The following YES1 variants were observed in gnomAD, a reference collection of about 807,000 sequenced individuals.
The protein encoded by YES1 is YES proto-oncogene 1, Src family tyrosine kinase, also known as tyrosine-protein kinase Yes.
In YES1, 39 loss-of-function variants were observed where a neutral mutation model predicts 70.4. That is an observed-to-expected ratio of 0.55 (90% CI 0.43 to 0.72). YES1 has a LOEUF of 0.72. YES1 is among the 30% of genes least tolerant of loss of function. The pLI is 0.00. For synonymous variants in YES1, 198 were observed against 218.6 expected (o/e 0.91, Z 0.83); for missense variants, 495 against 644.8 (o/e 0.77, Z 2.52).
At position 723,062 on chromosome 18, in the gene YES1, A is replaced by C. The variant is rs915986930; in HGVS notation, c.*1362T>G. 5 of 152,352 alleles carry C rather than the reference A, an allele frequency of 3.3e-5. No individual in the cohort carries two copies. The highest frequency in any genetic ancestry group is 9.6e-5 in the African/African-American group (4 of 41,580). 9.4% of individuals were successfully genotyped at this position (152,352 alleles called of 1,614,324 possible). On this transcript the variant is annotated 3_prime_UTR_variant, in exon 12 of 12. Coordinates refer to ENST00000314574, the MANE Select transcript of YES1 (RefSeq NM_005433.4). ...AGCCGAGATCGCGCCACTGCACTCCAGCCTGGGCGACAGAGCGAGACTCCG... is the reference window on the plus strand; with the variant it reads ...AGCCGAGATCGCGCCACTGCACTCCCGCCTGGGCGACAGAGCGAGACTCCG...
chr18:773,570 C>A (rs139702973), intron 1 of YES1, among the ~76,000 whole-genome samples: 3 of 152,270 alleles, frequency 2.0e-5, no homozygotes, highest in Admixed American at 2.0e-4. Context: ...GAAAGACAGA[C>A]ACCAAGAAAT....
intron 1 of YES1, among the ~76,000 whole-genome samples, chr18:786,893 T>C (rs559784130): frequency 8.5e-5 from 13 of 152,180 alleles, no homozygotes; most frequent in African/African-American, 3.1e-4. Flanking sequence ...ACATGATTTA[T>C]TTAAAAAAGC....
At position 798,776 on chromosome 18, in the gene YES1, A is replaced by G. The variant is rs528007865; in HGVS notation, c.-9+13338T>C. Reference sequence around the variant, plus strand: ...CACTCCTTCAGGGGGTACACTGTCCATTAGAATTTTAAGCCTCACTCTTAC... The same window carrying G: ...CACTCCTTCAGGGGGTACACTGTCCGTTAGAATTTTAAGCCTCACTCTTAC... On this transcript the variant is annotated intron_variant, in intron 1 of 11. Coordinates refer to ENST00000314574, the MANE Select transcript of YES1 (RefSeq NM_005433.4). 2.0e-5 allele frequency among the ~76,000 whole-genome samples: 3 copies of G among 152,304 alleles called. No homozygotes were observed. In the East Asian group the frequency reaches 5.8e-4, roughly 29 times the overall value.
chr18:796,276 C>CGCTATTT lies in YES1; in HGVS notation c.-9+15837_-9+15838insAAATAGC, dbSNP rs1412084643. ...TAGCGTGTAATTTGAGTAAATTTAACCTCTTGAAGCCTATTTCTTTATCTG... is the reference window on the plus strand; with the variant it reads ...TAGCGTGTAATTTGAGTAAATTTAACGCTATTTCTCTTGAAGCCTATTTCTTTATCTG... On this transcript the variant is annotated intron_variant, in intron 1 of 11. Coordinates refer to ENST00000314574, the MANE Select transcript of YES1 (RefSeq NM_005433.4). Among the ~76,000 whole-genome samples the CGCTATTT allele has an allele frequency of 1.0e-3, 159 of 152,198 alleles. 2 individuals carry two copies. In the South Asian group the frequency reaches 0.029, roughly 28 times the overall value.
At chr18:733,782 CAAAAAAAAAA>C (rs71174280) in intron 10 of YES1, among the ~76,000 whole-genome samples, 2 of 59,242 alleles carry the variant, frequency 3.4e-5, no homozygotes, top group African/African-American at 1.2e-4. Flanking sequence ...GACTCCGTCT[CAAAAAAAAAA>C]AAAAAAAAAA....
intron 1 of YES1, among the ~76,000 whole-genome samples, chr18:763,039 G>A (rs1423877641): frequency 6.6e-6 from 1 of 152,132 alleles, no homozygotes; most frequent in Non-Finnish European, 1.5e-5. Context: ...TGGAGACTTG[G>A]GGGAAAGAAA....
intron 3 of YES1, among the ~76,000 whole-genome samples, chr18:751,332 C>T (rs1405387352): frequency 6.6e-6 from 1 of 151,726 alleles, no homozygotes; most frequent in Non-Finnish European, 1.5e-5. Context: ...CTTTCTCCCC[C>T]TCCTTTTTTT....
intron 1 of YES1, among the ~76,000 whole-genome samples, chr18:757,317 C>T (rs540505197): frequency 1.4e-3 from 213 of 151,550 alleles, no homozygotes; most frequent in Non-Finnish European, 2.2e-3. Context: ...TCCTGGCTAA[C>T]ACGGTGAAAC....
intron 6 of YES1, 41 bp from the exon 7 acceptor site, chr18:743,456 A>ATTGTGT (rs2080239089): frequency 6.6e-7 from 1 of 1,511,812 alleles, no homozygotes; most frequent in Admixed American, 1.8e-5. Flanking sequence ...TCAATTACAA[A>ATTGTGT]AATTAAGGGG....
At chr18:770,268 CTTTT>C (rs11324966) in intron 1 of YES1, among the ~76,000 whole-genome samples, 2 of 140,136 alleles carry the variant, frequency 1.4e-5, no homozygotes, top group African/African-American at 2.6e-5. Context: ...GCCCTTTTAT[CTTTT>C]TTTTTTTTTT....
rs2079974734 is a variant in YES1 at position 722,966 on chromosome 18, C to T, written c.*1458G>A. 2 of 152,244 alleles carry T rather than the reference C, an allele frequency of 1.3e-5. No homozygotes were observed. The highest frequency in any genetic ancestry group is 1.9e-4 in the East Asian group (1 of 5,180). 9.4% of individuals were successfully genotyped at this position (152,244 alleles called of 1,614,324 possible). ...AACTAGCCAGGCGTGGTGGTGGGCA[C>T]CTGTAGTCCCAGCTACTCGGGAGGC... On this transcript the variant is annotated 3_prime_UTR_variant, in exon 12 of 12. Transcript: ENST00000314574.
chr18:732,481 G>A (rs1338299662), intron 11 of YES1, among the ~76,000 whole-genome samples: 2 of 150,288 alleles, frequency 1.3e-5, no homozygotes, highest in African/African-American at 4.9e-5. Flanking sequence ...ACACTACTGG[G>A]AAAGAACAGT....
chr18:761,587 A>G (rs901501277), intron 1 of YES1, among the ~76,000 whole-genome samples: 1 of 152,108 alleles, frequency 6.6e-6, no homozygotes, highest in African/African-American at 2.4e-5. Flanking sequence ...CTCAAAAGTC[A>G]CACCTTTTCT....
At chr18:789,969 A>G (rs924913165) in intron 1 of YES1, among the ~76,000 whole-genome samples, 1 of 152,174 alleles carries the variant, frequency 6.6e-6, no homozygotes, top group African/African-American at 2.4e-5. Context: ...GAGGCAGGAG[A>G]ACTGCTTGAA....
intron 3 of YES1, among the ~76,000 whole-genome samples, chr18:750,538 C>T (rs62088297): frequency 0.084 from 12,802 of 152,200 alleles, 728 homozygotes; most frequent in East Asian, 0.27. Flanking sequence ...AAAATGTCTC[C>T]AGATACTGCC....
At chr18:756,278 A>C (rs2080404982) in intron 2 of YES1, among the ~76,000 whole-genome samples, 2 of 112,720 alleles carry the variant, frequency 1.8e-5, no homozygotes, top group African/African-American at 3.5e-5. Context: ...CCCGGTGCCT[A>C]CAGTGGGGGG....
intron 10 of YES1, among the ~76,000 whole-genome samples, chr18:735,044 C>T (rs1408182018): frequency 3.3e-5 from 5 of 151,412 alleles, no homozygotes. Flanking sequence ...GTAATCCCAG[C>T]TACAGGGGAG....
chr18:739,637 C>G, intron 9 of YES1, 98 bp downstream of exon 9: 1 of 950,036 alleles, frequency 1.1e-6, no homozygotes, highest in South Asian at 2.2e-5. Flanking sequence ...AATAAAATCC[C>G]ACCATTTCAC....
At chr18:765,072 T>C (rs965018157) in intron 1 of YES1, among the ~76,000 whole-genome samples, 3 of 151,256 alleles carry the variant, frequency 2.0e-5, no homozygotes, top group East Asian at 2.0e-4. Context: ...TCTCAAATAA[T>C]GTACAGCTTT....
Sources: allele counts gnomAD v4.1 joint callset (sites outside exome capture counted in the v4.1 genomes callset), GRCh38; gene constraint gnomAD v4.1.1; transcripts MANE v1.5; gene names NCBI Gene and HGNC (gene_info 2026-07-23, HGNC 2026-07-21).